The following GRIA4 variants were observed in gnomAD, a reference collection of about 807,000 sequenced individuals.
GRIA4 encodes the protein glutamate ionotropic receptor AMPA type subunit 4.
A neutral mutation model predicts 104.0 loss-of-function variants in GRIA4; 34 were observed. The observed-to-expected ratio is 0.33, with a 90% CI of 0.25 to 0.44. The LOEUF is 0.44. Among genes scored for constraint, GRIA4 ranks in the 20% least tolerant of loss-of-function variants. GRIA4 has a pLI of 1.00. For missense variants in GRIA4, 750 were observed against 1,096.5 expected (o/e 0.68, Z 4.46); for synonymous variants, 386 against 381.9 (o/e 1.01, Z -0.13).
intron 3 of GRIA4, among the ~76,000 whole-genome samples, chr11:105,664,948 A>C (rs1952121030): frequency 6.6e-6 from 1 of 152,012 alleles, no homozygotes; most frequent in African/African-American, 2.4e-5. Flanking sequence ...ATTATAAGAA[A>C]CATTTTCAAT....
chr11:105,920,210 GA>G (rs199590178), intron 11 of GRIA4, among the ~76,000 whole-genome samples: 15 of 150,492 alleles, frequency 1.0e-4, no homozygotes, highest in Admixed American at 2.0e-4. Context: ...CCCTAAATGA[GA>G]AAAAAAAATG....
chr11:105,743,109 T>C (rs886821767), intron 3 of GRIA4, among the ~76,000 whole-genome samples: 2 of 152,112 alleles, frequency 1.3e-5, no homozygotes, highest in African/African-American at 4.8e-5. Context: ...TTCAAGCAGT[T>C]GGTGTGCATT....
intron 3 of GRIA4, among the ~76,000 whole-genome samples, chr11:105,721,297 G>C (rs771998362): frequency 6.6e-6 from 1 of 152,096 alleles, no homozygotes; most frequent in East Asian, 1.9e-4. Context: ...GTTTATTTCC[G>C]AGTAGCACTT....
At chr11:105,700,279 A>G (rs1386802557) in intron 3 of GRIA4, among the ~76,000 whole-genome samples, 1 of 152,226 alleles carries the variant, frequency 6.6e-6, no homozygotes, top group African/African-American at 2.4e-5. Context: ...TATGTGTAAC[A>G]CTTGAACCTC....
At chr11:105,635,733 T>C (rs1382554214) in intron 3 of GRIA4, among the ~76,000 whole-genome samples, 1 of 152,178 alleles carries the variant, frequency 6.6e-6, no homozygotes, top group Non-Finnish European at 1.5e-5. Flanking sequence ...ATCAGTGCAC[T>C]GGAAATTGTG....
chr11:105,870,227 T>C (rs1000298629), intron 5 of GRIA4, among the ~76,000 whole-genome samples: 1 of 150,540 alleles, frequency 6.6e-6, no homozygotes, highest in African/African-American at 2.4e-5. Flanking sequence ...TTATAATTTA[T>C]TCTAATTCTT....
At chr11:105,681,837 T>G (rs1952718828) in intron 3 of GRIA4, among the ~76,000 whole-genome samples, 1 of 151,732 alleles carries the variant, frequency 6.6e-6, no homozygotes. Flanking sequence ...AGGTCAGGAG[T>G]TCAAAACCAA....
intron 4 of GRIA4, among the ~76,000 whole-genome samples, chr11:105,804,429 A>C (rs918641265): frequency 5.3e-5 from 8 of 151,662 alleles, no homozygotes; most frequent in African/African-American, 1.9e-4. Flanking sequence ...ACACATCTCC[A>C]TGTTAAAGGA....
intron 3 of GRIA4, among the ~76,000 whole-genome samples, chr11:105,617,583 G>T (rs1950632662): frequency 6.6e-6 from 1 of 152,014 alleles, no homozygotes; most frequent in South Asian, 2.1e-4. Context: ...AAATTTTGAA[G>T]AAAACAGGGC....
chr11:105,796,735 A>T (rs1942493278), intron 4 of GRIA4, among the ~76,000 whole-genome samples: 1 of 152,196 alleles, frequency 6.6e-6, no homozygotes, highest in Admixed American at 6.5e-5. Context: ...ATCCAGGAAA[A>T]TCTATTTTTC....
intron 3 of GRIA4, among the ~76,000 whole-genome samples, chr11:105,663,241 A>C (rs1952067123): frequency 6.6e-6 from 1 of 151,944 alleles, no homozygotes; most frequent in Non-Finnish European, 1.5e-5. Context: ...GGTTCATAAC[A>C]TTCCTAATTT....
chr11:105,653,031 C>T (rs529124325), intron 3 of GRIA4, among the ~76,000 whole-genome samples: 22 of 152,248 alleles, frequency 1.4e-4, no homozygotes, highest in African/African-American at 5.1e-4. Context: ...CCTGCCTCAG[C>T]CTCCCGAGTA....
intron 3 of GRIA4, among the ~76,000 whole-genome samples, chr11:105,664,203 T>C (rs559901955): frequency 1.2e-3 from 186 of 149,678 alleles, no homozygotes; most frequent in Non-Finnish European, 2.1e-3. Context: ...TTAGGAAAGG[T>C]CTCTCATATG....
At chr11:105,897,827 A>G (rs1946711062) in intron 6 of GRIA4, among the ~76,000 whole-genome samples, 1 of 151,994 alleles carries the variant, frequency 6.6e-6, no homozygotes, top group Non-Finnish European at 1.5e-5. Flanking sequence ...TTTGCTGAAG[A>G]TTTTTATGTC....
chr11:105,877,573 A>G (rs1945878499), intron 5 of GRIA4, among the ~76,000 whole-genome samples: 1 of 152,194 alleles, frequency 6.6e-6, no homozygotes, highest in South Asian at 2.1e-4. Context: ...GTCTTTTCAC[A>G]TAGTCCCATA....
intron 14 of GRIA4, 127 bp downstream of exon 14, chr11:105,934,096 C>A (rs1565351729): frequency 7.4e-6 from 6 of 813,780 alleles, no homozygotes; most frequent in Non-Finnish European, 9.4e-6. Flanking sequence ...TTCTTTTTCT[C>A]CATTTCATAT....
Position 105,669,557 on chromosome 11 carries a change from C to T in GRIA4, c.247+57123C>T, listed in dbSNP as rs139055622. Among the ~76,000 whole-genome samples, 649 of 152,206 alleles carry T rather than the reference C, an allele frequency of 4.3e-3. 3 individuals are homozygous for T. Among genetic ancestry groups the T allele is most frequent in the African/African-American group, 0.015 (608 of 41,548 alleles). ...GATCAGGTTCTCTTTTCAAAATCCA[C>T]CTCATTTTTACGCACAGATAATCTG... On this transcript the variant is annotated intron_variant, in intron 3 of 16. Coordinates refer to ENST00000282499, the MANE Select transcript of GRIA4 (RefSeq NM_000829.4).
intron 8 of GRIA4, 97 bp from the exon 9 acceptor site, chr11:105,905,100 T>G: frequency 1.4e-6 from 1 of 696,990 alleles, no homozygotes; most frequent in South Asian, 1.7e-5. Context: ...TAGTTTATAG[T>G]TCTACTTTTT....
In GRIA4 at chr11:105,970,720, C is replaced by T. The variant is rs191172354; in HGVS notation, c.2295-1194C>T. Among the ~76,000 whole-genome samples the T allele has an allele frequency of 2.0e-5, 3 of 152,120 alleles. No homozygotes were observed. In the East Asian group the frequency reaches 5.8e-4, roughly 29 times the overall value. ...TCAGCATTTCCTAGAAGAACTGAGG[C>T]GCATTAGGGGATACAACCAGGCAAA... On this transcript the variant is annotated intron_variant, in intron 14 of 16. Coordinates refer to ENST00000282499, the MANE Select transcript of GRIA4 (RefSeq NM_000829.4).
Sources: gnomAD v4.1 joint callset for allele counts (sites outside exome capture counted in the v4.1 genomes callset) on GRCh38, gnomAD v4.1.1 for gene constraint, MANE v1.5 for transcripts, NCBI Gene and HGNC (gene_info 2026-07-23, HGNC 2026-07-21) for gene names.